The following SUPT3H variants were observed in gnomAD, a reference collection of about 807,000 sequenced individuals.
SUPT3H encodes the protein SPT3 homolog, SAGA and STAGA complex component, also known as transcription initiation protein SPT3 homolog.
In SUPT3H, 44 loss-of-function variants were observed where a neutral mutation model predicts 44.3. The ratio of observed to expected loss-of-function variants is 0.99; its 90% CI spans 0.78 to 1.28. SUPT3H has a LOEUF of 1.28. Ranked by LOEUF, SUPT3H falls within the 50% of genes most tolerant of loss-of-function variation. SUPT3H has a pLI of 0.00. For missense variants in SUPT3H, 380 were observed against 387.1 expected, an observed-to-expected ratio of 0.98 and a Z score of 0.15; for synonymous variants, 124 against 125.6, an observed-to-expected ratio of 0.99 and a Z score of 0.09.
intron 10 of SUPT3H, among the ~76,000 whole-genome samples, chr6:44,930,761 A>G (rs972724878): frequency 6.6e-6 from 1 of 152,132 alleles, no homozygotes; most frequent in Non-Finnish European, 1.5e-5. Flanking sequence ...CTAGCGGCTA[A>G]CTGAACCTTC....
At chr6:44,913,294 C>T (rs1767335401) in intron 10 of SUPT3H, among the ~76,000 whole-genome samples, 1 of 152,172 alleles carries the variant, frequency 6.6e-6, no homozygotes, top group Admixed American at 6.5e-5. Context: ...AGCAGAGTCA[C>T]AGCATGCCTG....
chr6:45,021,727 A>C (rs1311216805), intron 3 of SUPT3H, among the ~76,000 whole-genome samples: 1 of 152,056 alleles, frequency 6.6e-6, no homozygotes, highest in East Asian at 1.9e-4. Context: ...ATTTGTGCTA[A>C]AGAAATTCTG....
At chr6:45,286,065 C>T (rs995619748) in intron 2 of SUPT3H, among the ~76,000 whole-genome samples, 7 of 147,448 alleles carry the variant, frequency 4.7e-5, no homozygotes, top group Admixed American at 2.7e-4. Context: ...GAAACTGGAT[C>T]CCTTCCTTAC....
intron 2 of SUPT3H, among the ~76,000 whole-genome samples, chr6:45,204,713 T>C (rs1232552463): frequency 2.0e-5 from 3 of 152,178 alleles, no homozygotes; most frequent in African/African-American, 7.2e-5. Flanking sequence ...AATACAATCC[T>C]TTCCTGGAAT....
intron 10 of SUPT3H, among the ~76,000 whole-genome samples, chr6:44,859,702 G>C (rs1256033803): frequency 6.6e-6 from 1 of 152,170 alleles, no homozygotes; most frequent in East Asian, 1.9e-4. Context: ...TTTAGTGTAT[G>C]TGAAAAATCA....
chr6:45,094,127 G>C (rs1797489111), intron 3 of SUPT3H, among the ~76,000 whole-genome samples: 1 of 152,134 alleles, frequency 6.6e-6, no homozygotes, highest in East Asian at 1.9e-4. Flanking sequence ...CATCTCTCTG[G>C]TAAATCTAAA....
chr6:45,069,776 C>T (rs141095257), intron 3 of SUPT3H, among the ~76,000 whole-genome samples: 3 of 152,058 alleles, frequency 2.0e-5, no homozygotes, highest in Admixed American at 2.0e-4. Flanking sequence ...TAAAAGTAGT[C>T]ACCGAATTGG....
chr6:44,986,847 AAAC>A (rs1562204185), intron 6 of SUPT3H, among the ~76,000 whole-genome samples: 2 of 152,158 alleles, frequency 1.3e-5, no homozygotes, highest in Non-Finnish European at 2.9e-5. Flanking sequence ...ACAGAAAAAA[AAAC>A]AACATATAAA....
At chr6:45,338,481 G>C (rs952138704) in intron 2 of SUPT3H, among the ~76,000 whole-genome samples, 3 of 152,106 alleles carry the variant, frequency 2.0e-5, no homozygotes, top group Admixed American at 1.3e-4. Context: ...ACTATATTTT[G>C]AATTAAGAAA....
intron 10 of SUPT3H, among the ~76,000 whole-genome samples, chr6:44,922,769 G>A (rs1768934904): frequency 6.6e-6 from 1 of 152,084 alleles, no homozygotes; most frequent in South Asian, 2.1e-4. Context: ...ATCTATCTGA[G>A]TATTTATAAT....
chr6:45,285,039 A>G (rs1219485756), intron 2 of SUPT3H, among the ~76,000 whole-genome samples: 1 of 152,010 alleles, frequency 6.6e-6, no homozygotes, highest in Non-Finnish European at 1.5e-5. Flanking sequence ...AGAAAATTCA[A>G]CAGCCCTTCA....
At chr6:45,123,825 T>A (rs1340494058) in intron 2 of SUPT3H, among the ~76,000 whole-genome samples, 1 of 152,224 alleles carries the variant, frequency 6.6e-6, no homozygotes, top group Non-Finnish European at 1.5e-5. Flanking sequence ...ATAGCTATGC[T>A]GCACTAAAAC....
intron 2 of SUPT3H, among the ~76,000 whole-genome samples, chr6:45,331,594 A>G (rs1012872767): frequency 3.9e-5 from 6 of 151,980 alleles, no homozygotes; most frequent in Admixed American, 2.0e-4. Context: ...AGACTCATAT[A>G]AATTATTTTA....
At chr6:44,918,078 T>C (rs935366049) in intron 10 of SUPT3H, among the ~76,000 whole-genome samples, 7 of 152,108 alleles carry the variant, frequency 4.6e-5, no homozygotes, top group African/African-American at 9.7e-5. Context: ...TTCAAAATGA[T>C]GCATCATTTT....
intron 2 of SUPT3H, among the ~76,000 whole-genome samples, chr6:45,173,128 T>C (rs143136459): frequency 1.3e-5 from 2 of 152,298 alleles, no homozygotes; most frequent in East Asian, 3.9e-4. Context: ...GGTAAATTCT[T>C]GGTGGATTTC....
At chr6:45,258,152 A>T (rs963805430) in intron 2 of SUPT3H, among the ~76,000 whole-genome samples, 1 of 152,220 alleles carries the variant, frequency 6.6e-6, no homozygotes, top group Non-Finnish European at 1.5e-5. Flanking sequence ...TTCTGATATT[A>T]GTTCTGTTTA....
In SUPT3H at chr6:44,843,743, A is replaced by T. The variant is rs148220673; in HGVS notation, c.913-13886T>A. Among the ~76,000 whole-genome samples, 9 of 152,232 alleles carry T rather than the reference A, an allele frequency of 5.9e-5. No homozygotes were observed. The East Asian group carries it at 1.5e-3, about 26-fold the overall frequency. On this transcript the variant is annotated intron_variant, in intron 10 of 10. Coordinates refer to ENST00000371459, the MANE Select transcript of SUPT3H (RefSeq NM_003599.4). ...TTTAAATATTAATATATAAGTGGAG[A>T]GAGATACTGTGTTAAGGGATCAGAA...
At chr6:44,888,448 A>G (rs994759464) in intron 10 of SUPT3H, among the ~76,000 whole-genome samples, 6 of 152,184 alleles carry the variant, frequency 3.9e-5, no homozygotes, top group Non-Finnish European at 5.9e-5. Context: ...CTGGGATGCA[A>G]GGCTGGTTCA....
At chr6:45,030,806 G>C (rs1786798047) in intron 3 of SUPT3H, among the ~76,000 whole-genome samples, 1 of 152,088 alleles carries the variant, frequency 6.6e-6, no homozygotes, top group African/African-American at 2.4e-5. Context: ...TTTTTGTTGA[G>C]AAAATATATA....
Sources: allele counts gnomAD v4.1 joint callset (sites outside exome capture counted in the v4.1 genomes callset), GRCh38; gene constraint gnomAD v4.1.1; transcripts MANE v1.5; gene names NCBI Gene and HGNC (gene_info 2026-07-23, HGNC 2026-07-21).